The following RABGEF1 variants were observed in gnomAD, a reference collection of about 807,000 sequenced individuals.
The protein encoded by RABGEF1 is rab5 GDP/GTP exchange factor.
Under a neutral mutation model 57.3 loss-of-function variants are expected in RABGEF1, and 26 were observed. The observed-to-expected ratio is 0.45, with a 90% CI of 0.33 to 0.63. RABGEF1 has a LOEUF of 0.63. RABGEF1 is among the 20% of genes least tolerant of loss of function. The pLI, the probability that RABGEF1 is intolerant of heterozygous loss-of-function variation, is 0.02. For missense variants in RABGEF1, 464 were observed against 607.6 expected, an observed-to-expected ratio of 0.76 and a Z score of 2.48; for synonymous variants, 185 against 210.7, an observed-to-expected ratio of 0.88 and a Z score of 1.06.
intron 1 of RABGEF1, among the ~76,000 whole-genome samples, chr7:66,691,410 G>T (rs1264070895): frequency 6.6e-6 from 1 of 152,098 alleles, no homozygotes; most frequent in Non-Finnish European, 1.5e-5. Context: ...ATAAATGATG[G>T]TATATCCATA....
intron 3 of RABGEF1, among the ~76,000 whole-genome samples, chr7:66,776,786 G>A (rs1214684902): frequency 1.3e-5 from 2 of 152,110 alleles, no homozygotes; most frequent in Non-Finnish European, 2.9e-5. Flanking sequence ...TTATCTCTAC[G>A]AAAAAGGGGG....
the RABGEF1 span, among the ~76,000 whole-genome samples, chr7:66,670,480 A>G: frequency 6.8e-6 from 1 of 146,378 alleles, no homozygotes; most frequent in Non-Finnish European, 1.5e-5. Context: ...GAGGACACAA[A>G]GACAGCCAGA....
chr7:66,789,177 C>T (rs1446712581), intron 4 of RABGEF1, among the ~76,000 whole-genome samples: 3 of 152,078 alleles, frequency 2.0e-5, no homozygotes, highest in East Asian at 1.9e-4. Flanking sequence ...TTTGCCCTGC[C>T]ACGTAATTTA....
chr7:66,755,716 T>C (rs976219418), intron 1 of RABGEF1, among the ~76,000 whole-genome samples: 5 of 152,172 alleles, frequency 3.3e-5, no homozygotes, highest in Non-Finnish European at 7.3e-5. Flanking sequence ...TTCCGGAGAA[T>C]GGCATGCTCA....
At chr7:66,745,033 A>C (rs916021869) in intron 1 of RABGEF1, among the ~76,000 whole-genome samples, 5 of 152,004 alleles carry the variant, frequency 3.3e-5, no homozygotes, top group Non-Finnish European at 5.9e-5. Context: ...TCTAATAAAA[A>C]TACAAAAAAT....
At chr7:66,794,237 ATTATTG>A (rs1813472104) in intron 4 of RABGEF1, among the ~76,000 whole-genome samples, 1 of 60,788 alleles carries the variant, frequency 1.6e-5, no homozygotes, top group Admixed American at 1.8e-4. Context: ...TTTTTTACTT[ATTATTG>A]TTAAAAAAAT....
intron 4 of RABGEF1, among the ~76,000 whole-genome samples, chr7:66,794,904 TAAATAG>T (rs960651442): frequency 9.9e-5 from 15 of 152,184 alleles, no homozygotes; most frequent in Non-Finnish European, 1.5e-5. Flanking sequence ...GTGGATTAGA[TAAATAG>T]AAATGTACAT....
At chr7:66,749,724 C>T (rs562157244) in intron 1 of RABGEF1, among the ~76,000 whole-genome samples, 1 of 152,290 alleles carries the variant, frequency 6.6e-6, no homozygotes, top group African/African-American at 2.4e-5. Context: ...GTAATCTCAG[C>T]ACTTTGGGAG....
intron 1 of RABGEF1, among the ~76,000 whole-genome samples, chr7:66,754,168 A>AT (rs547765545): frequency 6.9e-6 from 1 of 144,534 alleles, no homozygotes; most frequent in South Asian, 2.2e-4. Flanking sequence ...CGCCTGGCTA[A>AT]TTTTTTTGTA....
chr7:66,668,356 G>A, the RABGEF1 span, among the ~76,000 whole-genome samples: 8 of 152,260 alleles, frequency 5.3e-5, no homozygotes, highest in South Asian at 2.1e-4. Flanking sequence ...CTCAGCCTCC[G>A]AAAGCGTTGG....
intron 4 of RABGEF1, among the ~76,000 whole-genome samples, chr7:66,787,526 G>A (rs906408357): frequency 3.3e-5 from 5 of 151,694 alleles, no homozygotes; most frequent in African/African-American, 1.2e-4. Flanking sequence ...TGTATGTTTA[G>A]TAGAGATGGG....
chr7:66,757,610 CTA>C (rs1282376425), intron 1 of RABGEF1, among the ~76,000 whole-genome samples: 3 of 152,128 alleles, frequency 2.0e-5, no homozygotes, highest in Admixed American at 6.6e-5. Context: ...TGGATGATGA[CTA>C]AAACTTTTTT....
upstream of RABGEF1, among the ~76,000 whole-genome samples, chr7:66,678,059 CG>C (rs1361334898): frequency 6.7e-6 from 1 of 149,562 alleles, no homozygotes; most frequent in African/African-American, 2.5e-5. Context: ...GACCCTGTCT[CG>C]AAAAAAAAAA....
intron 2 of RABGEF1, among the ~76,000 whole-genome samples, chr7:66,735,628 T>G (rs1482074851): frequency 1.3e-5 from 2 of 152,136 alleles, no homozygotes; most frequent in Admixed American, 6.6e-5. Flanking sequence ...GCTGTTCTCG[T>G]GATGGTGAGT....
chr7:66,664,002 A>T, the RABGEF1 span, among the ~76,000 whole-genome samples: 1 of 140,494 alleles, frequency 7.1e-6, no homozygotes, highest in East Asian at 2.4e-4. Flanking sequence ...TGAACCCGGG[A>T]GGTGGAGGTT....
At chr7:66,787,191 TAA>T (rs1811375137) in intron 4 of RABGEF1, among the ~76,000 whole-genome samples, 1 of 151,222 alleles carries the variant, frequency 6.6e-6, no homozygotes, top group African/African-American at 2.4e-5. Context: ...CATGCCCAGA[TAA>T]TTTTTACTTT....
chr7:66,787,280 C>T (rs970773127), intron 4 of RABGEF1, among the ~76,000 whole-genome samples: 2 of 151,178 alleles, frequency 1.3e-5, no homozygotes, highest in Non-Finnish European at 2.9e-5. Flanking sequence ...GTGGTCTGCC[C>T]GCCTTGGCCT....
At chr7:66,800,438 CTGT>C (rs1787025773) in intron 7 of RABGEF1, among the ~76,000 whole-genome samples, 5 of 152,174 alleles carry the variant, frequency 3.3e-5, no homozygotes, top group Admixed American at 3.3e-4. Flanking sequence ...GTGTCAACTC[CTGT>C]TGTTAAGTAA....
Position 66,810,310 on chromosome 7 carries a change from G to A in RABGEF1, c.*1026G>A, listed in dbSNP as rs1351171731. The A allele has an allele frequency of 1.3e-5, 2 of 152,180 alleles. No individual in the cohort carries two copies. The highest frequency in any genetic ancestry group is 2.4e-5 in the African/African-American group (1 of 41,442). The allele number at this position is 152,180 out of a possible 1,614,324, so 9.4% of individuals were successfully genotyped here. ...ATTAGTGGCCTGAGAGGTGTTTGTT[G>A]TGGGGCCACCCTGTGCATGGTAGAA... On this transcript the variant is annotated 3_prime_UTR_variant, in exon 9 of 9. Transcript: ENST00000284957.
Sources: allele counts gnomAD v4.1 joint callset (sites outside exome capture counted in the v4.1 genomes callset), GRCh38; gene constraint gnomAD v4.1.1; transcripts MANE v1.5; gene names NCBI Gene and HGNC (gene_info 2026-07-23, HGNC 2026-07-21).